Variants in CNTN3 observed in about 807,000 individuals in gnomAD.
The protein encoded by CNTN3 is contactin-3.
Under a neutral mutation model 119.1 loss-of-function variants are expected in CNTN3, and 60 were observed. The observed-to-expected ratio is 0.50, with a 90% CI of 0.41 to 0.62. The LOEUF (loss-of-function observed/expected upper bound fraction) is 0.62. CNTN3 is among the 20% of genes least tolerant of loss of function. The pLI is 0.00. For synonymous variants in CNTN3, 450 were observed against 438.7 expected, an observed-to-expected ratio of 1.03 and a Z score of -0.32; for missense variants, 1,101 against 1,242.4, an observed-to-expected ratio of 0.89 and a Z score of 1.71.
chr3:74,584,613 T>C (rs1007777413), intron 1 of CNTN3, among the ~76,000 whole-genome samples: 1 of 152,122 alleles, frequency 6.6e-6, no homozygotes, highest in Non-Finnish European at 1.5e-5. Context: ...CAAATAAACC[T>C]CTTTTCTTTA....
chr3:74,317,887 C>T (rs1206459268), intron 13 of CNTN3, among the ~76,000 whole-genome samples: 1 of 152,118 alleles, frequency 6.6e-6, no homozygotes, highest in Non-Finnish European at 1.5e-5. Flanking sequence ...GTTGGCTTGC[C>T]TTGCTAGATT....
chr3:74,394,576 G>T (rs1559579693), intron 5 of CNTN3, among the ~76,000 whole-genome samples: 2 of 152,050 alleles, frequency 1.3e-5, no homozygotes, highest in Non-Finnish European at 2.9e-5. Context: ...TGAAAAGAAA[G>T]AAGCAAAGAA....
At position 74,499,641 on chromosome 3, in the gene CNTN3, TCAAA is replaced by T; in HGVS notation, c.182+14_182+17del. Reference sequence around the variant, plus strand: ...TGTTTAGTTTTTTTTATTTGAATTTTCAAACTTTTCACTGTACCTGTAATGAGGT... The same window carrying T: ...TGTTTAGTTTTTTTTATTTGAATTTTCTTTTCACTGTACCTGTAATGAGGT... On this transcript the variant is annotated intron_variant, in intron 3 of 22. Transcript: ENST00000263665. 6.3e-7 allele frequency: 1 copy of T among 1,581,144 alleles called. No homozygotes were observed. The highest frequency in any genetic ancestry group is 8.6e-7 in the Non-Finnish European group (1 of 1,168,860).
intron 4 of CNTN3, among the ~76,000 whole-genome samples, chr3:74,447,538 C>T (rs757129005): frequency 3.3e-5 from 5 of 152,060 alleles, no homozygotes; most frequent in East Asian, 1.9e-4. Flanking sequence ...ATTAAGTGAA[C>T]GAAGGGAAAG....
At position 74,562,516 on chromosome 3, in the gene CNTN3, C is replaced by T. The variant is rs539133486; in HGVS notation, c.-80-41324G>A. 1.8e-4 allele frequency among the ~76,000 whole-genome samples: 28 copies of T among 152,268 alleles called. 1 individual carries two copies. The South Asian group carries it at 5.8e-3, about 32-fold the overall frequency. On this transcript the variant is annotated intron_variant, in intron 1 of 22. Coordinates refer to ENST00000263665, the MANE Select transcript of CNTN3 (RefSeq NM_020872.3). ...AATAATTAAGGCTTAAGCATGGACA[C>T]AAATTATATCCAGGTAATAAACTCA...
chr3:74,454,697 G>A (rs891953144), intron 4 of CNTN3, among the ~76,000 whole-genome samples: 1 of 151,768 alleles, frequency 6.6e-6, no homozygotes, highest in Admixed American at 6.6e-5. Flanking sequence ...GCTCTTTTAG[G>A]GCAGGCCTGG....
chr3:74,352,575 C>A (rs1703842147), intron 11 of CNTN3, among the ~76,000 whole-genome samples: 1 of 152,202 alleles, frequency 6.6e-6, no homozygotes. Flanking sequence ...ACATTCTAAA[C>A]AGACTGTGGG....
intron 19 of CNTN3, among the ~76,000 whole-genome samples, chr3:74,287,334 C>T (rs1324082584): frequency 6.6e-6 from 1 of 151,982 alleles, no homozygotes; most frequent in South Asian, 2.1e-4. Context: ...AAGAATGTTC[C>T]TATTGTGAAG....
intron 7 of CNTN3, 63 bp from the exon 8 acceptor site, chr3:74,369,436 A>G (rs1256245871): frequency 7.4e-7 from 1 of 1,344,518 alleles, no homozygotes; most frequent in African/African-American, 1.5e-5. Flanking sequence ...TGAGAAAATA[A>G]AGCTTTTAAG....
At chr3:74,317,915 TA>T (rs1702876588) in intron 13 of CNTN3, among the ~76,000 whole-genome samples, 1 of 152,228 alleles carries the variant, frequency 6.6e-6, no homozygotes, top group African/African-American at 2.4e-5. Context: ...TTCTTCTGGA[TA>T]ATATCCTGCA....
At chr3:74,266,891 G>C (rs1296591166) in intron 21 of CNTN3, among the ~76,000 whole-genome samples, 1 of 152,114 alleles carries the variant, frequency 6.6e-6, no homozygotes, top group Non-Finnish European at 1.5e-5. Flanking sequence ...CAGCTGGGCT[G>C]CGTATTTATG....
At chr3:74,610,006 C>T (rs1317635775) in intron 1 of CNTN3, among the ~76,000 whole-genome samples, 4 of 151,966 alleles carry the variant, frequency 2.6e-5, no homozygotes, top group Non-Finnish European at 5.9e-5. Context: ...TACACTGTGG[C>T]CTAAGGGATG....
At chr3:74,456,620 G>A (rs1217634544) in intron 4 of CNTN3, among the ~76,000 whole-genome samples, 5 of 152,052 alleles carry the variant, frequency 3.3e-5, no homozygotes, top group Middle Eastern at 3.2e-3. Flanking sequence ...CCCGACATTC[G>A]CACAGGTGGC....
chr3:74,545,944 AAATTTT>A (rs1267377630), intron 1 of CNTN3, among the ~76,000 whole-genome samples: 1 of 151,988 alleles, frequency 6.6e-6, no homozygotes, highest in Non-Finnish European at 1.5e-5. Context: ...ATCTCTTACT[AAATTTT>A]AAAAGTTTCT....
At chr3:74,411,754 A>C (rs1450073183) in intron 5 of CNTN3, among the ~76,000 whole-genome samples, 2 of 152,110 alleles carry the variant, frequency 1.3e-5, no homozygotes, top group African/African-American at 4.8e-5. Flanking sequence ...ACTGTATTTC[A>C]CGTTATCAAC....
intron 2 of CNTN3, among the ~76,000 whole-genome samples, chr3:74,504,139 T>G (rs1404981398): frequency 2.6e-5 from 4 of 152,156 alleles, no homozygotes; most frequent in Non-Finnish European, 2.9e-5. Context: ...AATGATGGTA[T>G]CTGAAATTCC....
chr3:74,581,955 T>C (rs1455105562), intron 1 of CNTN3, among the ~76,000 whole-genome samples: 2 of 152,300 alleles, frequency 1.3e-5, no homozygotes, highest in East Asian at 1.9e-4. Flanking sequence ...TTATTTGACA[T>C]AGATCATAGG....
intron 13 of CNTN3, among the ~76,000 whole-genome samples, chr3:74,303,910 C>A (rs755655777): frequency 6.6e-6 from 1 of 152,020 alleles, no homozygotes; most frequent in Non-Finnish European, 1.5e-5. Context: ...CATATGATTT[C>A]GAAACCAAAG....
chr3:74,292,194 T>C (rs993173468), intron 19 of CNTN3, among the ~76,000 whole-genome samples: 4 of 152,220 alleles, frequency 2.6e-5, no homozygotes, highest in African/African-American at 4.8e-5. Flanking sequence ...GAATATTTAC[T>C]GGAGAGAAAT....
Sources: gnomAD v4.1 joint callset for allele counts (sites outside exome capture counted in the v4.1 genomes callset) on GRCh38, gnomAD v4.1.1 for gene constraint, MANE v1.5 for transcripts, NCBI Gene and HGNC (gene_info 2026-07-23, HGNC 2026-07-21) for gene names.